The following MYO5B variants were observed in gnomAD, a reference collection of about 807,000 sequenced individuals.
MYO5B encodes myosin VB.
In MYO5B, 143 loss-of-function variants were observed where a neutral mutation model predicts 229.3. That is an observed-to-expected ratio of 0.62 (90% CI 0.54 to 0.72). MYO5B has a LOEUF of 0.72. Ranked by LOEUF, MYO5B falls within the 30% of genes least tolerant of loss-of-function variation. The pLI is 0.00. For synonymous variants in MYO5B, 918 were observed against 885.2 expected, an observed-to-expected ratio of 1.04 and a Z score of -0.66; for missense variants, 2,321 against 2,331.0, an observed-to-expected ratio of 1.00 and a Z score of 0.09.
chr18:50,045,215 T>G (rs528186079), intron 2 of MYO5B, among the ~76,000 whole-genome samples: 1 of 152,168 alleles, frequency 6.6e-6, no homozygotes, highest in Non-Finnish European at 1.5e-5. Flanking sequence ...GTAAGCAATT[T>G]GTGAGGAAAG....
intron 1 of MYO5B, among the ~76,000 whole-genome samples, chr18:50,194,366 G>A (rs1372986041): frequency 6.6e-6 from 1 of 152,144 alleles, no homozygotes; most frequent in Non-Finnish European, 1.5e-5. Context: ...GGGGACAGGG[G>A]ACAGCAGCGG....
intron 2 of MYO5B, among the ~76,000 whole-genome samples, chr18:50,043,524 T>C (rs2030122041): frequency 8.7e-6 from 1 of 114,842 alleles, no homozygotes; most frequent in Non-Finnish European, 1.7e-5. Flanking sequence ...TATAAGTATA[T>C]AAATATATTT....
rs141498649 is a variant in MYO5B at position 49,864,023 on chromosome 18, C to T, written c.3843+118G>A. 289 of 1,482,702 alleles carry T rather than the reference C, an allele frequency of 1.9e-4. No homozygotes were observed. The Middle Eastern group carries it at 5.1e-3, about 26-fold the overall frequency. The allele number at this position is 1,482,702 out of a possible 1,614,324, so 91.8% of individuals were successfully genotyped here. A position where few individuals can be genotyped will look rare whatever the true frequency, so the allele number is the denominator to read the frequency against. On this transcript the variant is annotated intron_variant, in intron 28 of 39. Coordinates refer to ENST00000285039, the MANE Select transcript of MYO5B (RefSeq NM_001080467.3). The stretch of plus-strand genomic sequence containing the variant: ...TGCCTTTTTGGAGGAGACCCCACAG[C>T]GAGAGACTCTGCTCTTTCAGGTTTT...
chr18:50,100,633 G>T (rs901531856), intron 1 of MYO5B, among the ~76,000 whole-genome samples: 40 of 152,316 alleles, frequency 2.6e-4, no homozygotes, highest in African/African-American at 8.9e-4. Context: ...GGTACTAGCT[G>T]TTGCTCAGGC....
intron 5 of MYO5B, 40 bp downstream of exon 5, chr18:50,001,215 A>T (rs374470656): frequency 6.2e-7 from 1 of 1,613,596 alleles, no homozygotes; most frequent in African/African-American, 1.3e-5. Flanking sequence ...CAGTGGGAGG[A>T]GCTCCAGCCA....
chr18:50,152,665 G>A (rs1392738918), intron 1 of MYO5B, among the ~76,000 whole-genome samples: 2 of 152,060 alleles, frequency 1.3e-5, no homozygotes, highest in East Asian at 3.9e-4. Context: ...TAACATGCAG[G>A]CCCAACTGGC....
chr18:49,965,945 T>A (rs907424254), intron 10 of MYO5B, among the ~76,000 whole-genome samples: 1 of 152,202 alleles, frequency 6.6e-6, no homozygotes, highest in Admixed American at 6.5e-5. Context: ...ACCCTTTCCA[T>A]TCTTCAGTAC....
chr18:49,934,863 T>G (rs1215245936), intron 16 of MYO5B, among the ~76,000 whole-genome samples: 1 of 152,174 alleles, frequency 6.6e-6, no homozygotes, highest in Non-Finnish European at 1.5e-5. Context: ...AGTTCAGATA[T>G]TCAGTCTGAG....
At chr18:50,005,388 C>T (rs2026090485) in intron 4 of MYO5B, among the ~76,000 whole-genome samples, 1 of 152,082 alleles carries the variant, frequency 6.6e-6, no homozygotes, top group Non-Finnish European at 1.5e-5. Flanking sequence ...TATATATTTG[C>T]TGCAAGATTG....
At chr18:50,109,902 C>T (rs2031834807) in intron 1 of MYO5B, among the ~76,000 whole-genome samples, 1 of 152,156 alleles carries the variant, frequency 6.6e-6, no homozygotes, top group Non-Finnish European at 1.5e-5. Context: ...CATGTCACTG[C>T]CCTGTTCAAA....
In MYO5B at chr18:49,896,045, G is replaced by A. The variant is rs574089288; in HGVS notation, c.2812-871C>T. ...TTGCTCTGGTCTGTAGGAGCGCCAG[G>A]CAGAACAGAGCTAGCGGCCAAATCA... On this transcript the variant is annotated intron_variant, in intron 21 of 39. Transcript: ENST00000285039. Among the ~76,000 whole-genome samples the A allele has an allele frequency of 9.1e-4, 139 of 152,298 alleles. 1 individual carries two copies. Among genetic ancestry groups the A allele is most frequent in the African/African-American group, 3.2e-3 (135 of 41,570 alleles).
intron 1 of MYO5B, among the ~76,000 whole-genome samples, chr18:50,191,448 A>G (rs1223267182): frequency 6.6e-6 from 1 of 152,202 alleles, no homozygotes; most frequent in Non-Finnish European, 1.5e-5. Context: ...TGGTGACACC[A>G]GTTTTGTACA....
chr18:50,077,174 A>T lies in MYO5B; in HGVS notation c.28-21796T>A, dbSNP rs987804024. On this transcript the variant is annotated intron_variant, in intron 1 of 39. Coordinates refer to ENST00000285039, the MANE Select transcript of MYO5B (RefSeq NM_001080467.3). ...TTAATTTATTGTGGCAAAGTAAAAA[A>T]AAAAAAAAAAAAAAAAAAAGACAAC... is the stretch of plus-strand genomic sequence containing the variant. Among the ~76,000 whole-genome samples the T allele has an allele frequency of 2.0e-3, 303 of 148,658 alleles. 2 individuals carry two copies. The highest frequency in any genetic ancestry group is 7.0e-3 in the African/African-American group (286 of 40,862).
intron 1 of MYO5B, among the ~76,000 whole-genome samples, chr18:50,188,785 T>TAAAAAAAAAAAAAAAAAAA (rs4042094): frequency 9.5e-6 from 1 of 105,100 alleles, no homozygotes. Flanking sequence ...GACTCTGTCA[T>TAAAAAAAAAAAAAAAAAAA]AAAAAAAAAA....
At chr18:50,092,494 C>T (rs78095453) in intron 1 of MYO5B, among the ~76,000 whole-genome samples, 5,779 of 152,172 alleles carry the variant, frequency 0.038, 359 homozygotes, top group African/African-American at 0.13. Context: ...CTAAAGCCAT[C>T]GACTTTGGTT....
chr18:50,032,335 C>CA (rs1483762632), intron 4 of MYO5B, among the ~76,000 whole-genome samples: 1 of 152,102 alleles, frequency 6.6e-6, no homozygotes, highest in Non-Finnish European at 1.5e-5. Flanking sequence ...AACCACCCCC[C>CA]AAAAAAACAT....
At chr18:49,973,435 G>A (rs975014298) in intron 10 of MYO5B, among the ~76,000 whole-genome samples, 16 of 152,316 alleles carry the variant, frequency 1.1e-4, no homozygotes, top group African/African-American at 3.1e-4. Flanking sequence ...TCGCACTAGA[G>A]TGTCACTGTT....
In MYO5B at chr18:50,004,915, T is replaced by C. The variant is rs1217093676; in HGVS notation, c.456-3504A>G. Among the ~76,000 whole-genome samples the C allele has an allele frequency of 2.0e-5, 3 of 152,214 alleles. No homozygotes were observed. In the South Asian group the frequency reaches 6.2e-4, roughly 32 times the overall value. On this transcript the variant is annotated intron_variant, in intron 4 of 39. Transcript: ENST00000285039. Reference sequence around the variant, plus strand: ...CCAGAAATGGACATTAAAGACAGACTTGAATTTGAACCTCGGCCGCACCAC... The same window carrying C: ...CCAGAAATGGACATTAAAGACAGACCTGAATTTGAACCTCGGCCGCACCAC...
At chr18:50,116,165 T>A (rs1007551474) in intron 1 of MYO5B, among the ~76,000 whole-genome samples, 1 of 152,232 alleles carries the variant, frequency 6.6e-6, no homozygotes, top group African/African-American at 2.4e-5. Context: ...ATGACCCTAA[T>A]AGACCAAAGT....
Sources: allele counts gnomAD v4.1 joint callset (sites outside exome capture counted in the v4.1 genomes callset), GRCh38; gene constraint gnomAD v4.1.1; transcripts MANE v1.5; gene names NCBI Gene and HGNC (gene_info 2026-07-23, HGNC 2026-07-21).